The following UGT1A8 variants were observed in gnomAD, a reference collection of about 807,000 sequenced individuals.
UGT1A8 encodes the protein UDP glucuronosyltransferase family 1 member A8, also known as UDP-glucuronosyltransferase 1A8.
In UGT1A8, 39 loss-of-function variants were observed where a neutral mutation model predicts 45.3. The ratio of observed to expected loss-of-function variants is 0.86; its 90% CI spans 0.67 to 1.12. The LOEUF (loss-of-function observed/expected upper bound fraction) is 1.12. UGT1A8 is among the 50% of genes most tolerant of loss of function. UGT1A8 has a pLI of 0.00. For synonymous variants in UGT1A8, 275 were observed against 249.2 expected, an observed-to-expected ratio of 1.10 and a Z score of -0.97; for missense variants, 719 against 664.9, an observed-to-expected ratio of 1.08 and a Z score of -0.90.
In UGT1A8 at chr2:233,719,323, C is replaced by G. The variant is rs760645007; in HGVS notation, c.856-47711C>G. On this transcript the variant is annotated intron_variant, in intron 1 of 4. Coordinates refer to ENST00000373450, the MANE Select transcript of UGT1A8 (RefSeq NM_019076.5). ...GTGCTGGCTAAGTACCTGTCGATTC[C>G]TGCTGTGTTTTTTTGGAGGTACATT... 1.2e-5 allele frequency: 20 copies of G among 1,613,830 alleles called. No individual in the cohort carries two copies. In the South Asian group the frequency reaches 2.2e-4, roughly 18 times the overall value.
At chr2:233,739,631 G>A (rs767111221) in intron 1 of UGT1A8, among the ~76,000 whole-genome samples, 3 of 152,206 alleles carry the variant, frequency 2.0e-5, no homozygotes, top group Admixed American at 6.5e-5. Context: ...ATTTGAAATG[G>A]GAACATTTAC....
chr2:233,675,458 A>G (rs980040799), intron 1 of UGT1A8, among the ~76,000 whole-genome samples: 3 of 152,196 alleles, frequency 2.0e-5, no homozygotes, highest in African/African-American at 7.2e-5. Context: ...GGCTTTGTCT[A>G]TACCATCCAT....
chr2:233,750,101 C>T (rs1348616691), intron 1 of UGT1A8, among the ~76,000 whole-genome samples: 1 of 151,822 alleles, frequency 6.6e-6, no homozygotes, highest in Non-Finnish European at 1.5e-5. Flanking sequence ...TTGGAGAGCT[C>T]AGAAGAAGAC....
chr2:233,653,736 A>G (rs576251664), intron 1 of UGT1A8, among the ~76,000 whole-genome samples: 3 of 152,304 alleles, frequency 2.0e-5, no homozygotes, highest in African/African-American at 7.2e-5. Context: ...AGCTGGAATT[A>G]CAGATGCCCA....
At chr2:233,640,063 G>A (rs1353659498) in intron 1 of UGT1A8, among the ~76,000 whole-genome samples, 1 of 152,190 alleles carries the variant, frequency 6.6e-6, no homozygotes, top group East Asian at 1.9e-4. Flanking sequence ...TGGTTACAGA[G>A]CAAGAAAAGA....
chr2:233,675,078 C>T (rs550742969), intron 1 of UGT1A8, among the ~76,000 whole-genome samples: 1 of 152,188 alleles, frequency 6.6e-6, no homozygotes, highest in Non-Finnish European at 1.5e-5. Flanking sequence ...TGTGCAGTGT[C>T]CCAGACCCTG....
intron 1 of UGT1A8, among the ~76,000 whole-genome samples, chr2:233,694,601 C>A (rs187602409): frequency 6.6e-6 from 1 of 152,322 alleles, no homozygotes; most frequent in Admixed American, 6.5e-5. Flanking sequence ...TGAAGGGCTT[C>A]AGGCAACTCC....
At chr2:233,734,623 T>A (rs2078542439) in intron 1 of UGT1A8, among the ~76,000 whole-genome samples, 1 of 152,236 alleles carries the variant, frequency 6.6e-6, no homozygotes, top group African/African-American at 2.4e-5. Flanking sequence ...TGATTTTAGA[T>A]CTTTCCTGCT....
intron 1 of UGT1A8, among the ~76,000 whole-genome samples, chr2:233,762,296 G>A (rs1425632739): frequency 6.6e-6 from 1 of 152,206 alleles, no homozygotes; most frequent in Non-Finnish European, 1.5e-5. Context: ...GGTGCCAACC[G>A]AGGTCTAGTT....
intron 1 of UGT1A8, among the ~76,000 whole-genome samples, chr2:233,696,619 TTTC>T (rs2125568446): frequency 6.6e-6 from 1 of 152,346 alleles, no homozygotes; most frequent in African/African-American, 2.4e-5. Flanking sequence ...TCTTTCTTTC[TTTC>T]TCTTGCTTAA....
intron 1 of UGT1A8, among the ~76,000 whole-genome samples, chr2:233,630,141 C>T (rs564407135): frequency 6.6e-6 from 1 of 152,018 alleles, no homozygotes; most frequent in South Asian, 2.1e-4. Flanking sequence ...TTTTTAAATG[C>T]ATTTTCCATT....
At chr2:233,633,729 A>G (rs1481663726) in intron 1 of UGT1A8, among the ~76,000 whole-genome samples, 1 of 151,872 alleles carries the variant, frequency 6.6e-6, no homozygotes, top group African/African-American at 2.4e-5. Flanking sequence ...CTAGTGGTCT[A>G]TCTATTTTGT....
chr2:233,743,581 A>C lies in UGT1A8; in HGVS notation c.856-23453A>C, dbSNP rs28900376. 32 of 1,367,320 alleles carry C rather than the reference A, an allele frequency of 2.3e-5. No individual in the cohort carries two copies. The East Asian group carries it at 4.1e-4, about 17-fold the overall frequency. 84.7% of individuals were successfully genotyped at this position (1,367,320 alleles called of 1,614,324 possible). Reference sequence around the variant, plus strand: ...TCTCCAGCGGGTTTCCCAAGAGGTCAAAGGAGAATGGGTCCTGGCCGCCGA... The same window carrying C: ...TCTCCAGCGGGTTTCCCAAGAGGTCCAAGGAGAATGGGTCCTGGCCGCCGA... On this transcript the variant is annotated intron_variant, in intron 1 of 4. Transcript: ENST00000373450.
At chr2:233,738,656 G>A (rs1275233800) in intron 1 of UGT1A8, among the ~76,000 whole-genome samples, 1 of 152,108 alleles carries the variant, frequency 6.6e-6, no homozygotes, top group Non-Finnish European at 1.5e-5. Context: ...TTGGAACTAC[G>A]AACTTGAGAG....
intron 1 of UGT1A8, chr2:233,691,718 G>C: frequency 1.1e-6 from 1 of 898,996 alleles, no homozygotes; most frequent in Non-Finnish European, 1.3e-6. Flanking sequence ...CTGGCAGATG[G>C]GTGGCTGGGC....
At chr2:233,618,639 A>G in intron 1 of UGT1A8, 77 bp downstream of exon 1, 1 of 1,523,848 alleles carries the variant, frequency 6.6e-7, no homozygotes, top group Non-Finnish European at 8.8e-7. Context: ...CTGAATTGTG[A>G]TTTGACATTT....
chr2:233,771,399 T>C (rs972051776), intron 4 of UGT1A8: 1 of 152,180 alleles, frequency 6.6e-6, no homozygotes, highest in African/African-American at 2.4e-5. Flanking sequence ...GATTGGGCAA[T>C]GAACACTGTC....
At chr2:233,742,075 C>T (rs1426608266) in intron 1 of UGT1A8, 1 of 151,834 alleles carries the variant, frequency 6.6e-6, no homozygotes, top group East Asian at 1.9e-4. Context: ...TTATGGAGAT[C>T]CTTTTTTTAC....
At chr2:233,648,902 T>C in intron 1 of UGT1A8, 1 of 1,339,252 alleles carries the variant, frequency 7.5e-7, no homozygotes, top group Non-Finnish European at 1.1e-6. Flanking sequence ...GCATATGATC[T>C]CTACAGCCAC....
Sources: gnomAD v4.1 joint callset for allele counts (sites outside exome capture counted in the v4.1 genomes callset) on GRCh38, gnomAD v4.1.1 for gene constraint, MANE v1.5 for transcripts, NCBI Gene and HGNC (gene_info 2026-07-23, HGNC 2026-07-21) for gene names.